Variants in INPP4B observed in about 807,000 individuals in gnomAD.
The protein encoded by INPP4B is inositol polyphosphate-4-phosphatase type II B.
A neutral mutation model predicts 122.5 loss-of-function variants in INPP4B; 55 were observed. That is an observed-to-expected ratio of 0.45 (90% CI 0.36 to 0.56). The LOEUF (loss-of-function observed/expected upper bound fraction) is 0.56. INPP4B is among the 20% of genes least tolerant of loss of function. INPP4B has a pLI of 0.00. For missense variants in INPP4B, 1,000 were observed against 1,097.7 expected (o/e 0.91, Z 1.26); for synonymous variants, 403 against 388.7 (o/e 1.04, Z -0.43).
chr4:142,433,324 CA>C (rs1290448356), intron 3 of INPP4B, among the ~76,000 whole-genome samples: 8 of 152,204 alleles, frequency 5.3e-5, no homozygotes, highest in Admixed American at 3.3e-4. Context: ...ATACCACAAG[CA>C]TACTTAAAAG....
chr4:142,747,311 C>G (rs1768906901), intron 1 of INPP4B, among the ~76,000 whole-genome samples: 1 of 152,006 alleles, frequency 6.6e-6, no homozygotes, highest in Non-Finnish European at 1.5e-5. Flanking sequence ...CAAATCAAAA[C>G]CACGATGACA....
rs1377346932 is a variant in INPP4B, at chr4:142,092,557, C to G, written c.2375-6301G>C. 2.0e-5 allele frequency among the ~76,000 whole-genome samples: 3 copies of G among 152,154 alleles called. No individual in the cohort carries two copies. The East Asian group carries it at 5.8e-4, about 29-fold the overall frequency. ...CCACCCGCCTAGGCCTCCCAAAGTG[C>G]TGGGATTACAGGCATGAGCCACCGT... On this transcript the variant is annotated intron_variant, in intron 23 of 25. Transcript: ENST00000262992.
intron 2 of INPP4B, among the ~76,000 whole-genome samples, chr4:142,475,194 C>T (rs1255664633): frequency 6.6e-6 from 1 of 151,986 alleles, no homozygotes; most frequent in Non-Finnish European, 1.5e-5. Context: ...ACCTCCAAGA[C>T]CCAGGAGTAG....
intron 25 of INPP4B, among the ~76,000 whole-genome samples, chr4:142,057,070 T>C (rs1758086892): frequency 6.6e-6 from 1 of 152,110 alleles, no homozygotes; most frequent in Non-Finnish European, 1.5e-5. Flanking sequence ...TTTTAGAGTA[T>C]GGTACTGTTT....
intron 2 of INPP4B, among the ~76,000 whole-genome samples, chr4:142,524,587 G>A (rs1426061331): frequency 5.9e-5 from 9 of 151,906 alleles, no homozygotes; most frequent in South Asian, 2.1e-4. Flanking sequence ...TCCAATATAC[G>A]CAAATCAATA....
At chr4:142,543,402 A>C (rs1580329768) in intron 2 of INPP4B, among the ~76,000 whole-genome samples, 1 of 152,306 alleles carries the variant, frequency 6.6e-6, no homozygotes, top group Middle Eastern at 3.4e-3. Context: ...CCACTGTCAC[A>C]GGATTAATTC....
intron 9 of INPP4B, among the ~76,000 whole-genome samples, chr4:142,277,288 CTATT>C (rs1748982743): frequency 1.1e-5 from 1 of 88,366 alleles, no homozygotes; most frequent in Non-Finnish European, 2.8e-5. Context: ...TATGGGTTGT[CTATT>C]TACTCTCCTG....
At chr4:142,424,616 C>T (rs940088728) in intron 5 of INPP4B, among the ~76,000 whole-genome samples, 1 of 151,884 alleles carries the variant, frequency 6.6e-6, no homozygotes, top group Admixed American at 6.6e-5. Context: ...GATGAAATAT[C>T]CTTCTGATAA....
At position 142,479,963 on chromosome 4, in the gene INPP4B, TAAGA is replaced by T. The variant is rs1335555145; in HGVS notation, c.-190-17241_-190-17238del. Among the ~76,000 whole-genome samples the T allele has an allele frequency of 9.2e-5, 14 of 152,254 alleles. No individual in the cohort carries two copies. In the South Asian group the frequency reaches 2.9e-3, roughly 32 times the overall value. ...GTACCCCTGAACCTAAAATAAAAGTTAAGAAAGAATATTTCCTTCTTAACTAATG... is the reference window on the plus strand; with the variant it reads ...GTACCCCTGAACCTAAAATAAAAGTTAAGAATATTTCCTTCTTAACTAATG... On this transcript the variant is annotated intron_variant, in intron 2 of 25. Transcript: ENST00000262992.
intron 1 of INPP4B, among the ~76,000 whole-genome samples, chr4:142,836,388 A>G (rs1782773467): frequency 6.6e-6 from 1 of 152,072 alleles, no homozygotes; most frequent in Non-Finnish European, 1.5e-5. Flanking sequence ...TCAATGTACC[A>G]GAACCAGAAA....
intron 2 of INPP4B, among the ~76,000 whole-genome samples, chr4:142,522,969 T>C (rs935779152): frequency 3.3e-5 from 5 of 152,134 alleles, no homozygotes; most frequent in African/African-American, 7.2e-5. Flanking sequence ...CAGTCATGTC[T>C]GATTAGTAGC....
chr4:142,119,816 C>T (rs1795707426), intron 21 of INPP4B, among the ~76,000 whole-genome samples: 1 of 46,460 alleles, frequency 2.2e-5, no homozygotes, highest in African/African-American at 3.9e-5. Context: ...CACACACACA[C>T]ACACACACAT....
intron 15 of INPP4B, among the ~76,000 whole-genome samples, chr4:142,178,797 T>C (rs993754975): frequency 3.3e-5 from 5 of 149,288 alleles, no homozygotes; most frequent in Non-Finnish European, 5.9e-5. Flanking sequence ...TCTAGAACTA[T>C]TTCCACTTGT....
At chr4:142,397,846 TA>T (rs775752822) in intron 7 of INPP4B, among the ~76,000 whole-genome samples, 2 of 148,602 alleles carry the variant, frequency 1.3e-5, no homozygotes, top group Non-Finnish European at 3.0e-5. Flanking sequence ...TCAAAAAAAA[TA>T]AAAAATAAAA....
chr4:142,625,792 TC>T (rs1580540234), intron 2 of INPP4B, among the ~76,000 whole-genome samples: 1 of 151,910 alleles, frequency 6.6e-6, no homozygotes, highest in Non-Finnish European at 1.5e-5. Flanking sequence ...GAGATATAGA[TC>T]AATGGAACAG....
chr4:142,634,322 A>G (rs1001323787), intron 2 of INPP4B, among the ~76,000 whole-genome samples: 3 of 152,200 alleles, frequency 2.0e-5, no homozygotes, highest in Admixed American at 1.3e-4. Context: ...AATGCTTGCT[A>G]ATTCATTTTT....
intron 1 of INPP4B, among the ~76,000 whole-genome samples, chr4:142,777,993 G>A (rs1774197419): frequency 6.6e-6 from 1 of 152,144 alleles, no homozygotes; most frequent in Non-Finnish European, 1.5e-5. Context: ...GCCCATCTAA[G>A]TTTGGGGCCC....
At chr4:142,711,299 C>A (rs1217069297) in intron 2 of INPP4B, among the ~76,000 whole-genome samples, 1 of 152,132 alleles carries the variant, frequency 6.6e-6, no homozygotes, top group Non-Finnish European at 1.5e-5. Context: ...ACTCTGACCC[C>A]CTTTCCAGCT....
At chr4:142,622,227 A>G (rs1745102174) in intron 2 of INPP4B, among the ~76,000 whole-genome samples, 1 of 151,866 alleles carries the variant, frequency 6.6e-6, no homozygotes, top group African/African-American at 2.4e-5. Flanking sequence ...TGTAAATAAA[A>G]CCATATTGCT....
Sources: gnomAD v4.1 joint callset for allele counts (sites outside exome capture counted in the v4.1 genomes callset) on GRCh38, gnomAD v4.1.1 for gene constraint, MANE v1.5 for transcripts, NCBI Gene and HGNC (gene_info 2026-07-23, HGNC 2026-07-21) for gene names.